The following TLE4 variants were observed in gnomAD, a reference collection of about 807,000 sequenced individuals.
TLE4 encodes TLE family member 4, transcriptional corepressor, also known as transducin-like enhancer protein 4.
Under a neutral mutation model 92.8 loss-of-function variants are expected in TLE4, and 8 were observed. That is an observed-to-expected ratio of 0.09 (90% CI 0.05 to 0.16). The LOEUF is 0.16. TLE4 is among the 10% of genes least tolerant of loss of function. The probability of loss-of-function intolerance (pLI) is 1.00; values close to 1 mark genes in which losing one functional copy is unlikely to be tolerated. For synonymous variants in TLE4, 371 were observed against 374.1 expected (o/e 0.99, Z 0.10); for missense variants, 675 against 997.6 (o/e 0.68, Z 4.36).
chr9:79,641,589 A>G (rs1454122999), intron 6 of TLE4, among the ~76,000 whole-genome samples: 3 of 152,054 alleles, frequency 2.0e-5, no homozygotes, highest in Non-Finnish European at 4.4e-5. Context: ...GGTCCTCTCA[A>G]CTGCTTTTCT....
intron 8 of TLE4, among the ~76,000 whole-genome samples, chr9:79,687,773 C>T (rs1346273432): frequency 1.3e-5 from 2 of 152,200 alleles, no homozygotes; most frequent in Non-Finnish European, 2.9e-5. Context: ...AATCAGAGGC[C>T]TGTCTTCAAC....
intron 4 of TLE4, among the ~76,000 whole-genome samples, chr9:79,589,431 T>C (rs1257065169): frequency 6.6e-6 from 1 of 152,126 alleles, no homozygotes. Flanking sequence ...GAAGGGACCG[T>C]GATAAACCTT....
chr9:79,633,027 T>A (rs1450203599), intron 6 of TLE4, among the ~76,000 whole-genome samples: 2 of 152,174 alleles, frequency 1.3e-5, no homozygotes. Context: ...CTTCTGTGGG[T>A]GTGCCTGCCC....
At chr9:79,590,148 T>C (rs1234838384) in intron 4 of TLE4, among the ~76,000 whole-genome samples, 1 of 152,224 alleles carries the variant, frequency 6.6e-6, no homozygotes, top group Non-Finnish European at 1.5e-5. Flanking sequence ...GTTTTACCTC[T>C]GGCTAGCTTG....
rs112910754 is a variant in TLE4 at position 79,723,041 on chromosome 9, A to G, written c.2214+6A>G. 824 of 1,612,816 alleles carry G rather than the reference A, an allele frequency of 5.1e-4. 6 individuals carry two copies. The highest frequency in any genetic ancestry group is 4.5e-3 in the African/African-American group (335 of 75,024). ...ATGGGGCCAGTATATTCCAGGTAAC[A>G]TGGAACTTGTTAACTACCACTTATG... On this transcript the variant is annotated splice_donor_region_variant and intron_variant, in intron 19 of 19. Coordinates refer to ENST00000376552, the MANE Select transcript of TLE4 (RefSeq NM_007005.6).
intron 4 of TLE4, among the ~76,000 whole-genome samples, chr9:79,596,145 C>T (rs144875621): frequency 2.0e-4 from 30 of 152,200 alleles, no homozygotes; most frequent in African/African-American, 6.5e-4. Context: ...CGCGCCCGGC[C>T]GTTTAGTATC....
At chr9:79,655,888 G>A in intron 8 of TLE4, among the ~76,000 whole-genome samples, 1 of 152,184 alleles carries the variant, frequency 6.6e-6, no homozygotes, top group Admixed American at 6.5e-5. Flanking sequence ...TTATACTTCA[G>A]TGTACACTTT....
chr9:79,593,609 A>G (rs902279591), intron 4 of TLE4, among the ~76,000 whole-genome samples: 2 of 152,248 alleles, frequency 1.3e-5, no homozygotes, highest in Non-Finnish European at 2.9e-5. Flanking sequence ...AATATTAAAG[A>G]AAATTAAACA....
At chr9:79,642,082 GAC>G (rs2057269421) in intron 6 of TLE4, among the ~76,000 whole-genome samples, 1 of 151,608 alleles carries the variant, frequency 6.6e-6, no homozygotes, top group African/African-American at 2.4e-5. Flanking sequence ...TATGCACATA[GAC>G]ACACACACAG....
intron 8 of TLE4, among the ~76,000 whole-genome samples, chr9:79,678,653 G>A (rs1039413444): frequency 1.3e-5 from 2 of 151,246 alleles, no homozygotes; most frequent in Non-Finnish European, 2.9e-5. Flanking sequence ...TTAAGTTTTA[G>A]GGTACATGTG....
At chr9:79,671,164 A>G (rs1041074242) in intron 8 of TLE4, 2 of 434,548 alleles carry the variant, frequency 4.6e-6, no homozygotes, top group South Asian at 1.6e-5. Flanking sequence ...GTGTTTAGGG[A>G]TAGTTCAACC....
At chr9:79,694,179 G>A (rs928034979) in intron 8 of TLE4, among the ~76,000 whole-genome samples, 3 of 152,068 alleles carry the variant, frequency 2.0e-5, no homozygotes, top group African/African-American at 7.2e-5. Context: ...AGAGGGAGAG[G>A]GAAAGGTCAG....
At chr9:79,576,313 T>A (rs2037741088) in intron 4 of TLE4, 136 bp downstream of exon 4, 1 of 476,232 alleles carries the variant, frequency 2.1e-6, no homozygotes, top group Non-Finnish European at 3.6e-6. Flanking sequence ...GTGAAGAAAA[T>A]GCTGTTTTTT....
At chr9:79,593,979 A>C (rs1236553306) in intron 4 of TLE4, among the ~76,000 whole-genome samples, 3 of 152,204 alleles carry the variant, frequency 2.0e-5, no homozygotes, top group Non-Finnish European at 4.4e-5. Flanking sequence ...AAATTATTTA[A>C]CTTTTCTGAG....
chr9:79,708,538 C>G, intron 12 of TLE4, 55 bp from the exon 13 acceptor site: 1 of 1,491,624 alleles, frequency 6.7e-7, no homozygotes, highest in Non-Finnish European at 9.2e-7. Flanking sequence ...TTACAAATGT[C>G]TTCACTGTTG....
In TLE4 at chr9:79,652,808, T is replaced by C; in HGVS notation, c.592+14T>C. On this transcript the variant is annotated intron_variant, in intron 7 of 19. Transcript: ENST00000376552. ...ATCACCAAAGAGGTGAGTAACTCTC[T>C]TGGAATGCCAATCTGAGATGACCTA... 6.2e-7 allele frequency: 1 copy of C among 1,613,372 alleles called. No individual in the cohort carries two copies. The highest frequency in any genetic ancestry group is 8.5e-7 in the Non-Finnish European group (1 of 1,179,424).
At chr9:79,647,443 G>A (rs2058266024) in intron 6 of TLE4, among the ~76,000 whole-genome samples, 3 of 152,012 alleles carry the variant, frequency 2.0e-5, no homozygotes, top group South Asian at 2.1e-4. Context: ...TTTCATATGA[G>A]GGCACCAAGT....
intron 6 of TLE4, among the ~76,000 whole-genome samples, chr9:79,638,836 C>G (rs1459044798): frequency 6.6e-6 from 1 of 152,096 alleles, no homozygotes; most frequent in Non-Finnish European, 1.5e-5. Flanking sequence ...TTTCTTTCAG[C>G]TAATAGCTTC....
At chr9:79,709,177 A>G (rs994536397) in intron 13 of TLE4, among the ~76,000 whole-genome samples, 1 of 152,142 alleles carries the variant, frequency 6.6e-6, no homozygotes, top group Admixed American at 6.6e-5. Context: ...GTATTTAGAG[A>G]TCTGTGGGTA....
Sources: allele counts gnomAD v4.1 joint callset (sites outside exome capture counted in the v4.1 genomes callset), GRCh38; gene constraint gnomAD v4.1.1; transcripts MANE v1.5; gene names NCBI Gene and HGNC (gene_info 2026-07-23, HGNC 2026-07-21).